The following GPC1 variants were observed in gnomAD, a reference collection of about 807,000 sequenced individuals.
GPC1 encodes the protein glypican 1, also known as glypican-1.
In GPC1, 26 loss-of-function variants were observed where a neutral mutation model predicts 51.5. That is an observed-to-expected ratio of 0.50 (90% CI 0.37 to 0.70). The LOEUF (loss-of-function observed/expected upper bound fraction) is 0.70, where lower values mean the gene tolerates loss of function less well. GPC1 is among the 30% of genes least tolerant of loss of function. GPC1 has a pLI of 0.00. For synonymous variants in GPC1, 380 were observed against 348.3 expected (o/e 1.09, Z -1.01); for missense variants, 775 against 800.5 (o/e 0.97, Z 0.38).
At position 240,464,710 on chromosome 2, in the gene GPC1, C is replaced by A; in HGVS notation, c.978C>A (p.Asn326Lys). The change falls in exon 5 of 9, where the codon AAC becomes AAA. Residue 326 changes from asparagine (N) to lysine (K), a missense_variant. Coordinates refer to ENST00000264039, the MANE Select transcript of GPC1 (RefSeq NM_002081.3). ...ACACGTGGCTGGCGGAGGCCATCAA[C>A]GCCCTCCAGGACAACAGGGACACGC... Reference protein sequence around the residue: ...SVHTWLAEAINALQDNRDTLT... With the variant: ...SVHTWLAEAIKALQDNRDTLT... 4 of 1,611,806 alleles carry A rather than the reference C, an allele frequency of 2.5e-6. No individual in the cohort carries two copies. The highest frequency in any genetic ancestry group is 3.4e-6 in the Non-Finnish European group (4 of 1,179,368).
chr2:240,445,538 G>A (rs1469827850), intron 1 of GPC1, among the ~76,000 whole-genome samples: 1 of 152,204 alleles, frequency 6.6e-6, no homozygotes, highest in Non-Finnish European at 1.5e-5. Context: ...CTCAGCGCCA[G>A]GTGCTGGGAT....
At chr2:240,449,633 C>T (rs375190500) in intron 1 of GPC1, 68 of 321,162 alleles carry the variant, frequency 2.1e-4, no homozygotes, top group Non-Finnish European at 3.2e-4. Flanking sequence ...GTTGTGCGGC[C>T]GTCACCCCCA....
rs911643531 is a variant in GPC1, at chr2:240,464,712, C to T, written c.980C>T (p.Ala327Val). The change falls in exon 5 of 9, where the codon GCC (alanine) becomes GTC (valine). Residue 327 changes from alanine to valine, a missense_variant. Ala to Val is a moderately conservative substitution (Grantham distance 64). Coordinates refer to ENST00000264039, the MANE Select transcript of GPC1 (RefSeq NM_002081.3). ...VHTWLAEAINALQDNRDTLTA... is the reference protein window; with the variant it reads ...VHTWLAEAINVLQDNRDTLTA... ...ACGTGGCTGGCGGAGGCCATCAACG[C>T]CCTCCAGGACAACAGGGACACGCTC... 6.2e-6 allele frequency: 10 copies of T among 1,611,748 alleles called. No homozygotes were observed. Among genetic ancestry groups the T allele is most frequent in the Non-Finnish European group, 7.6e-6 (9 of 1,179,340 alleles).
At chr2:240,442,736 C>G (rs767555716) in intron 1 of GPC1, among the ~76,000 whole-genome samples, 3 of 152,236 alleles carry the variant, frequency 2.0e-5, no homozygotes, top group Non-Finnish European at 4.4e-5. Context: ...TAGTGGGGAG[C>G]TAGCCCAGCC....
Position 240,448,066 on chromosome 2 carries a change from C to T in GPC1, c.167-10964C>T, listed in dbSNP as rs995410679. 3.3e-5 allele frequency among the ~76,000 whole-genome samples: 5 copies of T among 152,124 alleles called. No individual in the cohort carries two copies. The highest frequency in any genetic ancestry group is 3.3e-4 in the Admixed American group (5 of 15,276). On this transcript the variant is annotated intron_variant, in intron 1 of 8. Coordinates refer to ENST00000264039, the MANE Select transcript of GPC1 (RefSeq NM_002081.3). The surrounding 1 kb of genome is among the most constrained non-coding windows in gnomAD (Gnocchi z 4.5). ...TCCCCAGGGCACAGTGACAGTGGAA[C>T]GGCCGGAGGCGCTCTCGAGCCCGCC...
At chr2:240,458,417 T>C (rs2074188082) in intron 1 of GPC1, 3 of 223,914 alleles carry the variant, frequency 1.3e-5, no homozygotes, top group South Asian at 1.3e-4. Context: ...AGGCACAGGG[T>C]GCACCCTGCA....
chr2:240,461,862 C>T (rs1213388780), intron 2 of GPC1, among the ~76,000 whole-genome samples: 1 of 152,110 alleles, frequency 6.6e-6, no homozygotes. Context: ...CAGCCCCTCC[C>T]TGGGTGTTCT....
chr2:240,460,993 CCA>C (rs2074210430), intron 2 of GPC1, among the ~76,000 whole-genome samples: 1 of 152,222 alleles, frequency 6.6e-6, no homozygotes, highest in South Asian at 2.1e-4. Flanking sequence ...GTCCGCCCCC[CCA>C]CCAGCCTTCA....
chr2:240,450,424 C>G (rs568674798), intron 1 of GPC1: 1 of 361,410 alleles, frequency 2.8e-6, no homozygotes, highest in Non-Finnish European at 5.6e-6. Flanking sequence ...TGCTGGGCCC[C>G]GTGCTGCTAC....
chr2:240,444,058 G>A (rs556211644), intron 1 of GPC1, among the ~76,000 whole-genome samples: 89 of 152,332 alleles, frequency 5.8e-4, no homozygotes, highest in African/African-American at 1.9e-3. Flanking sequence ...GAGGCCTGAG[G>A]GGCACCGGGA....
At chr2:240,445,994 G>A (rs531030236) in intron 1 of GPC1, among the ~76,000 whole-genome samples, 2 of 152,340 alleles carry the variant, frequency 1.3e-5, no homozygotes, top group Admixed American at 1.3e-4. Flanking sequence ...GGTCCTCTGT[G>A]TAGTTGTATG....
chr2:240,447,380 C>T (rs1559195510), intron 1 of GPC1, among the ~76,000 whole-genome samples: 1 of 152,208 alleles, frequency 6.6e-6, no homozygotes, highest in Admixed American at 6.5e-5. Flanking sequence ...TTCGGAAGGT[C>T]AGGAAGGCTC....
rs576418036 is a variant in GPC1 at position 240,439,950 on chromosome 2, G to C, written c.166+3866G>C. 8.5e-4 allele frequency among the ~76,000 whole-genome samples: 130 copies of C among 152,360 alleles called. 1 individual carries two copies. The highest frequency in any genetic ancestry group is 2.9e-3 in the African/African-American group (119 of 41,596). ...GCGTGATGCAATGGCCTGGGTCCCT[G>C]CTGGACCGCCAAGCCTCCCATGCCA... On this transcript the variant is annotated intron_variant, in intron 1 of 8. Transcript: ENST00000264039.
chr2:240,462,351 G>A lies in GPC1; in HGVS notation c.486G>A (p.Thr162=), dbSNP rs779436468. 1.4e-5 allele frequency: 23 copies of A among 1,597,472 alleles called. No homozygotes were observed. The highest frequency in any genetic ancestry group is 6.9e-5 in the Admixed American group (4 of 57,960). The part of the protein sequence containing the change: ...YRGANLHLEE[T]LAEFWARLLE... ...GTGCCAACCTGCACCTGGAGGAGAC[G>A]CTGGCCGAGTTCTGGGCCCGCCTGC... Residue 162 remains threonine (T), a synonymous_variant, in exon 3 of 9, where the codon ACG becomes ACA. Transcript: ENST00000264039.
At chr2:240,458,737 C>A in intron 1 of GPC1, 1 of 386,936 alleles carries the variant, frequency 2.6e-6, no homozygotes, top group South Asian at 5.8e-5. Flanking sequence ...TCTTTGCTTG[C>A]AGCTGCTGGG....
Position 240,459,169 on chromosome 2 carries a change from C to T in GPC1, c.306C>T (p.Thr102=). 1.2e-6 allele frequency: 2 copies of T among 1,612,234 alleles called. No homozygotes were observed. The highest frequency in any genetic ancestry group is 1.7e-6 in the Non-Finnish European group (2 of 1,179,716). The change falls in exon 2 of 9, where the codon ACC becomes ACT. Residue 102 remains threonine (T), a synonymous_variant. Coordinates refer to ENST00000264039, the MANE Select transcript of GPC1 (RefSeq NM_002081.3). Reference sequence around the variant, plus strand: ...GCGTCCTGCAGGCCATGCTTGCCACCCAGCTGCGCAGCTTCGATGGTGAGT... The same window carrying T: ...GCGTCCTGCAGGCCATGCTTGCCACTCAGCTGCGCAGCTTCGATGGTGAGT... ...SSRVLQAMLA[T]QLRSFDDHFQ...
In GPC1 at chr2:240,464,650, T is replaced by A; in HGVS notation, c.918T>A (p.Gly306=). The A allele has an allele frequency of 6.2e-7, 1 of 1,612,284 alleles. No homozygotes were observed. The highest frequency in any genetic ancestry group is 2.2e-5 in the East Asian group (1 of 44,858). The change falls in exon 5 of 9, where the codon GGT becomes GGA. Residue 306 remains glycine, a synonymous_variant. Transcript: ENST00000264039. Reference sequence around the variant, plus strand: ...TGCTCATCACCGACAAGTTCTGGGGTACATCGGGTGTGGAGAGTGTCATCG... The same window carrying A: ...TGCTCATCACCGACAAGTTCTGGGGAACATCGGGTGTGGAGAGTGTCATCG... The part of the protein sequence containing the change: ...SMVLITDKFW[G]TSGVESVIGS...
At chr2:240,461,420 G>C (rs2074213910) in intron 2 of GPC1, among the ~76,000 whole-genome samples, 1 of 152,236 alleles carries the variant, frequency 6.6e-6, no homozygotes. Context: ...AGCAGTTACA[G>C]ACCTGGAAGT....
intron 1 of GPC1, among the ~76,000 whole-genome samples, chr2:240,456,291 T>C (rs2074162650): frequency 1.3e-5 from 2 of 151,860 alleles, no homozygotes; most frequent in South Asian, 4.1e-4. Context: ...TCTCCATGCC[T>C]CTCGTCAGCC....
Sources: allele counts gnomAD v4.1 joint callset (sites outside exome capture counted in the v4.1 genomes callset), GRCh38; gene constraint gnomAD v4.1.1; non-coding constraint Gnocchi (gnomAD v3.1); transcripts MANE v1.5; gene names NCBI Gene and HGNC (gene_info 2026-07-23, HGNC 2026-07-21).